Variants in NEDD4L observed in about 807,000 individuals in gnomAD.
NEDD4L encodes the protein NEDD4 like E3 ubiquitin protein ligase.
In NEDD4L, 54 loss-of-function variants were observed where a neutral mutation model predicts 148.9. That is an observed-to-expected ratio of 0.36 (90% CI 0.29 to 0.45). The LOEUF (loss-of-function observed/expected upper bound fraction) is 0.45. Ranked by LOEUF, NEDD4L falls within the 20% of genes least tolerant of loss-of-function variation. NEDD4L has a pLI of 1.00. For synonymous variants in NEDD4L, 433 were observed against 440.7 expected (o/e 0.98, Z 0.22); for missense variants, 856 against 1,233.8 (o/e 0.69, Z 4.59).
chr18:58,064,974 T>G (rs981113990), intron 1 of NEDD4L, among the ~76,000 whole-genome samples: 47 of 152,328 alleles, frequency 3.1e-4, no homozygotes, highest in African/African-American at 1.1e-3. Flanking sequence ...GAAACCTTCC[T>G]GCTGTAGTGG....
intron 4 of NEDD4L, among the ~76,000 whole-genome samples, chr18:58,251,362 C>CA (rs961335006): frequency 6.6e-6 from 1 of 151,902 alleles, no homozygotes; most frequent in Non-Finnish European, 1.5e-5. Flanking sequence ...CTCATCTCTA[C>CA]AAAAAAATAC....
chr18:58,255,458 A>T (rs1158496262), intron 5 of NEDD4L: 12 of 1,210,254 alleles, frequency 9.9e-6, no homozygotes, highest in Non-Finnish European at 1.2e-5. Context: ...TTATCCAATC[A>T]TGCCTGGAAT....
At chr18:58,338,224 G>A (rs534978170) in intron 13 of NEDD4L, among the ~76,000 whole-genome samples, 7 of 152,342 alleles carry the variant, frequency 4.6e-5, no homozygotes, top group East Asian at 3.9e-4. Context: ...AAACTAAGTC[G>A]CCATTTCTAA....
chr18:58,366,236 T>TATGGCCACACCCAGTGTGTGTCC lies in NEDD4L; in HGVS notation c.2063+9_2063+31dup. 6.4e-7 allele frequency: 1 copy of TATGGCCACACCCAGTGTGTGTCC among 1,568,768 alleles called. No individual in the cohort carries two copies. The highest frequency in any genetic ancestry group is 8.7e-7 in the Non-Finnish European group (1 of 1,148,590). The stretch of plus-strand genomic sequence containing the variant: ...CTTTGAGTACTCTGCCACGTAAGTA[T>TATGGCCACACCCAGTGTGTGTCC]ATGGCCACACCCAGTGTGTGTCCCC... On this transcript the variant is annotated intron_variant, in intron 21 of 30. Transcript: ENST00000400345. The surrounding 1 kb of genome is among the most constrained non-coding windows in gnomAD (Gnocchi z 4.2).
At chr18:58,304,943 G>A (rs144227610) in intron 5 of NEDD4L, among the ~76,000 whole-genome samples, 24 of 152,284 alleles carry the variant, frequency 1.6e-4, no homozygotes, top group African/African-American at 5.3e-4. Flanking sequence ...GATATCCCTT[G>A]GCTATGACCA....
intron 1 of NEDD4L, among the ~76,000 whole-genome samples, chr18:58,100,995 G>T (rs1447461299): frequency 6.6e-6 from 1 of 152,116 alleles, no homozygotes; most frequent in South Asian, 2.1e-4. Context: ...TTGTAGAGAT[G>T]AGGTCTCACT....
At position 58,044,488 on chromosome 18, in the gene NEDD4L, A is replaced by T; in HGVS notation, c.-173A>T. The T allele has an allele frequency of 3.8e-6, 3 of 795,304 alleles. No individual in the cohort carries two copies. Among genetic ancestry groups the T allele is most frequent in the Non-Finnish European group, 5.1e-6 (3 of 588,216 alleles). The allele number at this position is 795,304 out of a possible 1,614,324, so 49.3% of individuals were successfully genotyped here. On this transcript the variant is annotated 5_prime_UTR_variant, in exon 1 of 31. Transcript: ENST00000400345. ...GGAGGAAGCGGTGCCGGCAGCGTCC[A>T]GGGCGCGCTCTCGGGCACCCTCACC... is the stretch of plus-strand genomic sequence containing the variant.
intron 30 of NEDD4L, among the ~76,000 whole-genome samples, chr18:58,393,295 A>G (rs2050066329): frequency 6.6e-6 from 1 of 152,226 alleles, no homozygotes. Context: ...TGTTGGAACC[A>G]TCTAGAGAGC....
At chr18:58,185,700 C>T (rs953688073) in intron 2 of NEDD4L, among the ~76,000 whole-genome samples, 1 of 152,090 alleles carries the variant, frequency 6.6e-6, no homozygotes, top group Non-Finnish European at 1.5e-5. Flanking sequence ...ATAGTGAAAC[C>T]CCATCTCTAC....
At chr18:58,276,149 T>C (rs1468026225) in intron 5 of NEDD4L, among the ~76,000 whole-genome samples, 1 of 150,150 alleles carries the variant, frequency 6.7e-6, no homozygotes, top group African/African-American at 2.4e-5. Context: ...TAACGGAGTA[T>C]AGTAAATACA....
chr18:58,050,407 T>C (rs1164131474), intron 1 of NEDD4L, among the ~76,000 whole-genome samples: 1 of 151,918 alleles, frequency 6.6e-6, no homozygotes, highest in African/African-American at 2.4e-5. Context: ...AAGGCAGAGA[T>C]TGCAGTGAGC....
At chr18:58,160,042 G>A (rs544352116) in intron 1 of NEDD4L, among the ~76,000 whole-genome samples, 6 of 152,278 alleles carry the variant, frequency 3.9e-5, no homozygotes, top group Non-Finnish European at 5.9e-5. Context: ...TAAGGATAAA[G>A]GATAACAAGT....
chr18:58,078,272 T>C (rs2083271152), intron 1 of NEDD4L, among the ~76,000 whole-genome samples: 1 of 152,210 alleles, frequency 6.6e-6, no homozygotes, highest in Non-Finnish European at 1.5e-5. Context: ...TCTCAAACTT[T>C]GAGTGAATTT....
In NEDD4L at chr18:58,131,782, C is replaced by T. The variant is rs186784255; in HGVS notation, c.49-34006C>T. Among the ~76,000 whole-genome samples the T allele has an allele frequency of 4.6e-3, 701 of 152,056 alleles. 6 individuals are homozygous for T. The highest frequency in any genetic ancestry group is 0.016 in the African/African-American group (660 of 41,466). On this transcript the variant is annotated intron_variant, in intron 1 of 30. Coordinates refer to ENST00000400345, the MANE Select transcript of NEDD4L (RefSeq NM_001144967.3). ...ATCCCAGGAGCTGCTGCTGCTTGTG[C>T]GCTTCAAAGTTGGATTTTGTGTTTT...
chr18:58,289,009 A>G (rs956476658), intron 5 of NEDD4L, among the ~76,000 whole-genome samples: 6 of 152,218 alleles, frequency 3.9e-5, no homozygotes, highest in African/African-American at 1.4e-4. Context: ...TCGACATTTT[A>G]TTCTGAGAAT....
chr18:58,050,958 G>C (rs187109675), intron 1 of NEDD4L, among the ~76,000 whole-genome samples: 172 of 152,236 alleles, frequency 1.1e-3, no homozygotes, highest in African/African-American at 3.2e-3. Context: ...TTTGTTTTGG[G>C]ATTCTGGAGT....
intron 5 of NEDD4L, among the ~76,000 whole-genome samples, chr18:58,260,166 G>T (rs1374344391): frequency 6.6e-6 from 1 of 152,030 alleles, no homozygotes; most frequent in Non-Finnish European, 1.5e-5. Flanking sequence ...ACGAGACTTT[G>T]TCTCAAAAAA....
rs539095012 is a variant in NEDD4L at position 58,141,373 on chromosome 18, A to T, written c.49-24415A>T. Among the ~76,000 whole-genome samples the T allele has an allele frequency of 7.2e-5, 11 of 152,338 alleles. No homozygotes were observed. In the East Asian group the frequency reaches 1.5e-3, roughly 21 times the overall value. ...CATATGGTTTGTTAGGATGACATTTAAAAAAAGTCATTTTGAGTTACAGAA... is the reference window on the plus strand; with the variant it reads ...CATATGGTTTGTTAGGATGACATTTTAAAAAAGTCATTTTGAGTTACAGAA... On this transcript the variant is annotated intron_variant, in intron 1 of 30. Coordinates refer to ENST00000400345, the MANE Select transcript of NEDD4L (RefSeq NM_001144967.3).
At chr18:58,174,381 A>T (rs770486504) in intron 2 of NEDD4L, among the ~76,000 whole-genome samples, 1 of 152,168 alleles carries the variant, frequency 6.6e-6, no homozygotes, top group Non-Finnish European at 1.5e-5. Context: ...CGTGGGTTTC[A>T]TCCGGGACCA....
Sources: allele counts gnomAD v4.1 joint callset (sites outside exome capture counted in the v4.1 genomes callset), GRCh38; gene constraint gnomAD v4.1.1; non-coding constraint Gnocchi (gnomAD v3.1); transcripts MANE v1.5; gene names NCBI Gene and HGNC (gene_info 2026-07-23, HGNC 2026-07-21).